Variants in TP63 observed in about 807,000 individuals in gnomAD.
The protein encoded by TP63 is tumor protein 63.
Under a neutral mutation model 82.8 loss-of-function variants are expected in TP63, and 17 were observed. The ratio of observed to expected loss-of-function variants is 0.21; its 90% confidence interval spans 0.14 to 0.31. TP63 has a LOEUF of 0.31. TP63 is among the 10% of genes least tolerant of loss of function. TP63 has a pLI of 1.00. For synonymous variants in TP63, 330 were observed against 321.7 expected (o/e 1.03, Z -0.28); for missense variants, 648 against 895.3 (o/e 0.72, Z 3.52).
intron 1 of TP63, among the ~76,000 whole-genome samples, chr3:189,632,190 T>C (rs1440123116): frequency 6.6e-6 from 1 of 152,194 alleles, no homozygotes; most frequent in Non-Finnish European, 1.5e-5. Flanking sequence ...TAGACTTTGC[T>C]ATTTTTAAAC....
chr3:189,859,955 T>A (rs1360828308), intron 4 of TP63, among the ~76,000 whole-genome samples: 1 of 152,150 alleles, frequency 6.6e-6, no homozygotes, highest in Non-Finnish European at 1.5e-5. Flanking sequence ...ACATGATTGT[T>A]GAGGCCAGGA....
chr3:189,735,432 CTCTT>C (rs1174537518), intron 1 of TP63, among the ~76,000 whole-genome samples: 1 of 152,198 alleles, frequency 6.6e-6, no homozygotes, highest in Non-Finnish European at 1.5e-5. Flanking sequence ...TTTATCATCT[CTCTT>C]TCTTCAAGCC....
intron 1 of TP63, among the ~76,000 whole-genome samples, chr3:189,651,410 G>A (rs1277791817): frequency 6.8e-6 from 1 of 146,116 alleles, no homozygotes; most frequent in Non-Finnish European, 1.5e-5. Context: ...GCTGGGCATG[G>A]TGGCAGAAGC....
At chr3:189,823,921 C>T (rs894862806) in intron 4 of TP63, among the ~76,000 whole-genome samples, 5 of 152,150 alleles carry the variant, frequency 3.3e-5, no homozygotes, top group Non-Finnish European at 1.5e-5. Flanking sequence ...CACCTGGTGT[C>T]CAAGATGAAG....
At chr3:189,642,132 T>G (rs1022843680) in intron 1 of TP63, among the ~76,000 whole-genome samples, 10 of 152,122 alleles carry the variant, frequency 6.6e-5, no homozygotes, top group African/African-American at 2.4e-4. Context: ...GCTAAACAGT[T>G]GCAGCTTTGA....
chr3:189,861,718 G>T (rs541085697), intron 4 of TP63, among the ~76,000 whole-genome samples: 3 of 152,258 alleles, frequency 2.0e-5, no homozygotes, highest in African/African-American at 7.2e-5. Flanking sequence ...AGAAGAGTCG[G>T]TAAGCATTGT....
At chr3:189,757,698 A>G (rs943032590) in intron 3 of TP63, among the ~76,000 whole-genome samples, 1 of 152,208 alleles carries the variant, frequency 6.6e-6, no homozygotes, top group Admixed American at 6.5e-5. Context: ...GTAGGTAGCT[A>G]GTCAGACATG....
chr3:189,883,276 G>C (rs1055242863), intron 10 of TP63, among the ~76,000 whole-genome samples: 2 of 152,052 alleles, frequency 1.3e-5, no homozygotes, highest in African/African-American at 2.4e-5. Context: ...TTTTCAGAAT[G>C]CTTCTTCTAG....
intron 4 of TP63, among the ~76,000 whole-genome samples, chr3:189,819,895 C>T (rs751833659): frequency 5.3e-5 from 8 of 151,792 alleles, no homozygotes; most frequent in Non-Finnish European, 4.4e-5. Context: ...GGATTACAGG[C>T]GCGTGACTCC....
chr3:189,844,688 G>A (rs530564328), intron 4 of TP63, among the ~76,000 whole-genome samples: 39 of 152,254 alleles, frequency 2.6e-4, no homozygotes, highest in African/African-American at 8.9e-4. Flanking sequence ...CCAAAGTATA[G>A]TATATAATTA....
Position 189,886,511 on chromosome 3 carries a change from C to G in TP63, c.1467C>G (p.Ala489=), listed in dbSNP as rs1203973760. The G allele has an allele frequency of 6.2e-6, 10 of 1,614,076 alleles. No homozygotes were observed. The highest frequency in any genetic ancestry group is 8.5e-6 in the Non-Finnish European group (10 of 1,179,984). The change falls in exon 11 of 14, where the codon GCC becomes GCG. Residue 489 remains alanine, a synonymous_variant. Coordinates refer to ENST00000264731, the MANE Select transcript of TP63 (RefSeq NM_003722.5). Reference sequence around the variant, plus strand: ...TTATCAACCCTCAGCAGCGCAACGCCCTCACTCCTACAACCATTCCTGATG... The same window carrying G: ...TTATCAACCCTCAGCAGCGCAACGCGCTCACTCCTACAACCATTCCTGATG... ...SQLINPQQRN[A]LTPTTIPDGM... is the part of the protein sequence containing the mutation.
chr3:189,775,583 G>A (rs1034644973), intron 3 of TP63, among the ~76,000 whole-genome samples: 3 of 152,214 alleles, frequency 2.0e-5, no homozygotes, highest in Middle Eastern at 3.4e-3. Context: ...ATATACTTGG[G>A]CAACTATTAT....
chr3:189,874,117 A>G (rs1030314698), intron 10 of TP63, among the ~76,000 whole-genome samples: 1 of 152,080 alleles, frequency 6.6e-6, no homozygotes, highest in Non-Finnish European at 1.5e-5. Context: ...TCACCCAGGT[A>G]GGAGTGCAGT....
chr3:189,676,504 A>G (rs1424759155), intron 1 of TP63, among the ~76,000 whole-genome samples: 1 of 152,056 alleles, frequency 6.6e-6, no homozygotes, highest in Non-Finnish European at 1.5e-5. Context: ...TTAAGGCTGA[A>G]TAATATTTCA....
intron 3 of TP63, among the ~76,000 whole-genome samples, chr3:189,755,084 G>T (rs1722091944): frequency 6.6e-6 from 1 of 152,080 alleles, no homozygotes; most frequent in East Asian, 1.9e-4. Flanking sequence ...CAATCTTTAT[G>T]AGCTGCTTCT....
At chr3:189,630,953 A>T (rs1729430559), upstream of TP63, among the ~76,000 whole-genome samples, 1 of 152,112 alleles carries the variant, frequency 6.6e-6, no homozygotes, top group Admixed American at 6.6e-5. Context: ...AACAAAACAA[A>T]ACTTCCCTAA....
chr3:189,858,224 T>C (rs1249944742), intron 4 of TP63, among the ~76,000 whole-genome samples: 1 of 28,242 alleles, frequency 3.5e-5, no homozygotes, highest in Admixed American at 2.3e-4. Context: ...GCTAACACGG[T>C]GAAACCCCGT....
the TP63 span, among the ~76,000 whole-genome samples, chr3:189,621,116 A>G: frequency 6.6e-6 from 1 of 152,210 alleles, no homozygotes; most frequent in Non-Finnish European, 1.5e-5. Flanking sequence ...GTAGGTTAAT[A>G]CAAAAATGAT....
At chr3:189,807,070 G>A (rs573281948) in intron 3 of TP63, among the ~76,000 whole-genome samples, 55 of 152,172 alleles carry the variant, frequency 3.6e-4, no homozygotes, top group African/African-American at 1.3e-3. Flanking sequence ...CCTTAATCTT[G>A]CTTTTGATTT....
Sources: allele counts gnomAD v4.1 joint callset (sites outside exome capture counted in the v4.1 genomes callset), GRCh38; gene constraint gnomAD v4.1.1; transcripts MANE v1.5; gene names NCBI Gene and HGNC (gene_info 2026-07-23, HGNC 2026-07-21).